Variants in WSB2 observed in about 807,000 individuals in gnomAD.
WSB2 encodes WD repeat and SOCS box-containing protein 2.
Under a neutral mutation model 48.8 loss-of-function variants are expected in WSB2, and 12 were observed. The observed-to-expected ratio is 0.25, with a 90% CI of 0.16 to 0.40. WSB2 has a LOEUF of 0.40. WSB2 is among the 10% of genes least tolerant of loss of function. WSB2 has a pLI of 1.00. For missense variants in WSB2, 317 were observed against 506.2 expected (o/e 0.63, Z 3.59); for synonymous variants, 191 against 203.1 (o/e 0.94, Z 0.51).
chr12:118,053,034 G>C (rs929995948), intron 1 of WSB2, among the ~76,000 whole-genome samples: 2 of 152,008 alleles, frequency 1.3e-5, no homozygotes, highest in African/African-American at 4.8e-5. Flanking sequence ...CTCTGTCTGG[G>C]GTTAAACCTT....
In WSB2 at chr12:118,060,482, C is replaced by T. The variant is rs1441376890; in HGVS notation, c.13+554G>A. On this transcript the variant is annotated intron_variant, in intron 1 of 8. Coordinates refer to ENST00000315436, the MANE Select transcript of WSB2 (RefSeq NM_018639.5). This position sits in a 1 kb window ranked among gnomAD's most constrained non-coding sequence, Gnocchi z 4.1. ...AGATTGTTTCAATAGGGAACCCAGA[C>T]CCCAGACCCCATTTTTACCGGGTCC... Among the ~76,000 whole-genome samples the T allele has an allele frequency of 6.6e-6, 1 of 152,120 alleles. No homozygotes were observed. Among genetic ancestry groups the T allele is most frequent in the Non-Finnish European group, 1.5e-5 (1 of 68,018 alleles).
At chr12:118,053,837 C>G (rs549432084) in intron 1 of WSB2, among the ~76,000 whole-genome samples, 1 of 152,334 alleles carries the variant, frequency 6.6e-6, no homozygotes, top group African/African-American at 2.4e-5. Context: ...ATGTGGAAGA[C>G]TTTGACCCTG....
intron 8 of WSB2, 89 bp downstream of exon 8, chr12:118,034,897 G>T: frequency 7.6e-7 from 1 of 1,321,542 alleles, no homozygotes; most frequent in Non-Finnish European, 1.1e-6. Context: ...TCATAGGCAA[G>T]AAAATTCTAG....
intron 4 of WSB2, among the ~76,000 whole-genome samples, chr12:118,041,787 C>T (rs1274696742): frequency 1.5e-5 from 2 of 132,704 alleles, no homozygotes; most frequent in Admixed American, 1.7e-4. Context: ...CAGAGTCTTG[C>T]TCTGTTGCCC....
intron 4 of WSB2, 79 bp from the exon 5 acceptor site, chr12:118,038,467 A>T: frequency 7.3e-7 from 1 of 1,363,850 alleles, no homozygotes; most frequent in Non-Finnish European, 1.0e-6. Context: ...CTGGGGTGGT[A>T]ACAGCCCCCA....
upstream of WSB2, among the ~76,000 whole-genome samples, chr12:118,061,473 C>A (rs1326963946): frequency 2.0e-5 from 3 of 150,420 alleles, no homozygotes; most frequent in East Asian, 6.0e-4. Flanking sequence ...TGAGGGGAAC[C>A]AGCGCCGGAT....
chr12:118,034,370 C>T lies in WSB2; in HGVS notation c.1053-12G>A, dbSNP rs200187600. ...GGCCATCTCTTGTCCTAAAATGAAA[C>T]AGAAACCGATGCTAAGACAGAGCTT... On this transcript the variant is annotated splice_polypyrimidine_tract_variant and intron_variant, in intron 8 of 8. Coordinates refer to ENST00000315436, the MANE Select transcript of WSB2 (RefSeq NM_018639.5). The T allele has an allele frequency of 1.2e-6, 2 of 1,612,712 alleles. No homozygotes were observed. Among genetic ancestry groups the T allele is most frequent in the East Asian group, 4.5e-5 (2 of 44,848 alleles).
intron 4 of WSB2, among the ~76,000 whole-genome samples, chr12:118,040,224 G>A (rs569304743): frequency 6.6e-6 from 1 of 152,206 alleles, no homozygotes; most frequent in Admixed American, 6.5e-5. Context: ...TCAGGGTGCT[G>A]GGAGTACTGA....
chr12:118,037,592 C>T (rs923478539), intron 5 of WSB2, among the ~76,000 whole-genome samples: 4 of 150,978 alleles, frequency 2.6e-5, no homozygotes, highest in African/African-American at 4.9e-5. Context: ...CGCTTGAACC[C>T]GGGAAGCGGA....
chr12:118,046,135 G>A (rs1258628615), intron 2 of WSB2, among the ~76,000 whole-genome samples: 1 of 152,154 alleles, frequency 6.6e-6, no homozygotes, highest in Non-Finnish European at 1.5e-5. Flanking sequence ...GTCAAGACAG[G>A]GACCTTATGG....
Position 118,061,017 on chromosome 12 carries a change from C to T in WSB2, c.13+19G>A. The T allele has an allele frequency of 1.0e-6, 1 of 979,988 alleles. No homozygotes were observed. The highest frequency in any genetic ancestry group is 1.2e-6 in the Non-Finnish European group (1 of 826,266). The allele number at this position is 979,988 out of a possible 1,614,324, so 60.7% of individuals were successfully genotyped here. The stretch of plus-strand genomic sequence containing the variant: ...CAGGGCCCCGCCGGGCGGGAACGGG[C>T]GCGCCCGGCCCCACTCACCTCCGGC... On this transcript the variant is annotated intron_variant, in intron 1 of 8. Transcript: ENST00000315436.
chr12:118,048,449 G>A (rs1344171064), intron 2 of WSB2, among the ~76,000 whole-genome samples: 1 of 151,980 alleles, frequency 6.6e-6, no homozygotes, highest in Non-Finnish European at 1.5e-5. Context: ...AATTAGCTGA[G>A]TGTGGTGGCA....
chr12:118,052,786 C>T (rs1389762632), intron 1 of WSB2, among the ~76,000 whole-genome samples: 1 of 152,162 alleles, frequency 6.6e-6, no homozygotes, highest in Admixed American at 6.6e-5. Flanking sequence ...GACAGCCAGA[C>T]CAGGAATATG....
At chr12:118,036,306 CA>C (rs759057347) in intron 6 of WSB2, 31 bp downstream of exon 6, 2 of 1,598,944 alleles carry the variant, frequency 1.3e-6, no homozygotes, top group Non-Finnish European at 1.7e-6. Flanking sequence ...AGTCCCCCCA[CA>C]AAAAAGTCAT....
upstream of WSB2, chr12:118,061,191 G>A (rs545315231): frequency 0.011 from 11,168 of 983,644 alleles, 73 homozygotes; most frequent in Non-Finnish European, 0.012. Context: ...CCGTCACATG[G>A]CGGTGGGCGC....
At chr12:118,047,083 A>C (rs1003163836) in intron 2 of WSB2, among the ~76,000 whole-genome samples, 3 of 152,264 alleles carry the variant, frequency 2.0e-5, no homozygotes, top group South Asian at 2.1e-4. Context: ...TAATTTCTGT[A>C]TTTGAATTAA....
At chr12:118,053,275 A>G (rs1430732418) in intron 1 of WSB2, among the ~76,000 whole-genome samples, 1 of 151,856 alleles carries the variant, frequency 6.6e-6, no homozygotes, top group Non-Finnish European at 1.5e-5. Flanking sequence ...TGCAGGCCAC[A>G]CTCTGGCCAC....
intron 1 of WSB2, among the ~76,000 whole-genome samples, chr12:118,059,980 T>A (rs965885834): frequency 6.6e-6 from 1 of 152,186 alleles, no homozygotes; most frequent in African/African-American, 2.4e-5. Flanking sequence ...CAGACCAGGA[T>A]GAAGCTTGAA....
chr12:118,051,834 C>T (rs773013473), intron 2 of WSB2, among the ~76,000 whole-genome samples: 63 of 152,064 alleles, frequency 4.1e-4, no homozygotes, highest in Non-Finnish European at 6.6e-4. Context: ...CTTAGCCAGG[C>T]GTGGTGGTGT....
Sources: gnomAD v4.1 joint callset for allele counts (sites outside exome capture counted in the v4.1 genomes callset) on GRCh38, gnomAD v4.1.1 for gene constraint, Gnocchi (gnomAD v3.1) non-coding constraint, MANE v1.5 for transcripts, NCBI Gene and HGNC (gene_info 2026-07-23, HGNC 2026-07-21) for gene names.